The following ZNF385D variants were observed in gnomAD, a reference collection of about 807,000 sequenced individuals.
ZNF385D encodes zinc finger protein 659.
In ZNF385D, 15 loss-of-function variants were observed where a neutral mutation model predicts 35.8. The ratio of observed to expected loss-of-function variants is 0.42; its 90% CI spans 0.28 to 0.64. The LOEUF (loss-of-function observed/expected upper bound fraction) is 0.64, where lower values mean the gene tolerates loss of function less well. ZNF385D is among the 30% of genes least tolerant of loss of function. The pLI is 0.23. For missense variants in ZNF385D, 474 were observed against 494.6 expected (o/e 0.96, Z 0.39); for synonymous variants, 212 against 186.8 (o/e 1.13, Z -1.10).
intron 3 of ZNF385D, among the ~76,000 whole-genome samples, chr3:22,120,449 C>A (rs920503540): frequency 1.3e-5 from 2 of 152,046 alleles, no homozygotes; most frequent in African/African-American, 4.8e-5. Context: ...AGCTTAATTA[C>A]TTTTTTAAGA....
chr3:22,149,594 A>T (rs4858389), intron 3 of ZNF385D, among the ~76,000 whole-genome samples: 1 of 152,028 alleles, frequency 6.6e-6, no homozygotes, highest in East Asian at 1.9e-4. Flanking sequence ...AGCCACGACC[A>T]TAGAGGTATG....
chr3:21,655,615 T>C (rs1192483084), intron 2 of ZNF385D, among the ~76,000 whole-genome samples: 3 of 152,032 alleles, frequency 2.0e-5, no homozygotes, highest in Non-Finnish European at 4.4e-5. Flanking sequence ...AATATTTTGC[T>C]TTCTCAGTTA....
At chr3:21,564,784 A>G (rs754850261) in intron 2 of ZNF385D, 100 bp from the exon 3 acceptor site, 12 of 537,584 alleles carry the variant, frequency 2.2e-5, no homozygotes, top group East Asian at 2.2e-4. Context: ...TACAGCTTCA[A>G]TCTACTGCTC....
At chr3:21,578,047 T>G (rs1392318312) in intron 2 of ZNF385D, among the ~76,000 whole-genome samples, 3 of 152,052 alleles carry the variant, frequency 2.0e-5, no homozygotes, top group Non-Finnish European at 4.4e-5. Context: ...ACTCCTGGGC[T>G]CAAGTGATGC....
chr3:22,349,904 C>G (rs1035870806), intron 2 of ZNF385D, among the ~76,000 whole-genome samples: 4 of 152,040 alleles, frequency 2.6e-5, no homozygotes, highest in Non-Finnish European at 5.9e-5. Flanking sequence ...AAGATGTAAC[C>G]ACTCATGAAG....
At chr3:22,051,061 T>C (rs1242581232) in intron 3 of ZNF385D, among the ~76,000 whole-genome samples, 1 of 34,690 alleles carries the variant, frequency 2.9e-5, no homozygotes, top group Non-Finnish European at 5.5e-5. Context: ...CTTGTTGACT[T>C]TCTGTCTCGT....
At chr3:22,125,799 T>C (rs896102583) in intron 3 of ZNF385D, among the ~76,000 whole-genome samples, 4 of 152,080 alleles carry the variant, frequency 2.6e-5, no homozygotes, top group Non-Finnish European at 5.9e-5. Context: ...ATTTATCAAT[T>C]CTCATCATTT....
intron 2 of ZNF385D, among the ~76,000 whole-genome samples, chr3:22,312,384 C>G (rs1703609654): frequency 6.6e-6 from 1 of 152,138 alleles, no homozygotes; most frequent in African/African-American, 2.4e-5. Flanking sequence ...ACCCCATAGT[C>G]TCACTAAGAT....
intron 3 of ZNF385D, among the ~76,000 whole-genome samples, chr3:22,101,443 CAG>C: frequency 1.3e-5 from 2 of 152,182 alleles, no homozygotes; most frequent in South Asian, 4.1e-4. Flanking sequence ...TGGATGTTCT[CAG>C]AGAGATGAAA....
chr3:21,793,660 T>C (rs2072021862), intron 3 of ZNF385D, among the ~76,000 whole-genome samples: 1 of 152,218 alleles, frequency 6.6e-6, no homozygotes. Flanking sequence ...CAAGTCAAGT[T>C]GTAAAGCGAT....
chr3:22,342,064 A>G (rs1575157099), intron 2 of ZNF385D, among the ~76,000 whole-genome samples: 2 of 152,034 alleles, frequency 1.3e-5, no homozygotes, highest in African/African-American at 2.4e-5. Context: ...TCACGAGGTC[A>G]GGAAATCGAG....
At chr3:21,778,450 C>G (rs1343259103) in intron 3 of ZNF385D, among the ~76,000 whole-genome samples, 2 of 151,902 alleles carry the variant, frequency 1.3e-5, no homozygotes, top group Non-Finnish European at 2.9e-5. Flanking sequence ...ATTTCCTATT[C>G]ATCTCACAGG....
chr3:22,322,078 C>A (rs1182158798), intron 2 of ZNF385D, among the ~76,000 whole-genome samples: 1 of 152,150 alleles, frequency 6.6e-6, no homozygotes, highest in Non-Finnish European at 1.5e-5. Flanking sequence ...TCTCAGCTGT[C>A]ACCAAACTCT....
At chr3:21,728,915 G>A (rs2125478056) in intron 1 of ZNF385D, among the ~76,000 whole-genome samples, 1 of 152,250 alleles carries the variant, frequency 6.6e-6, no homozygotes, top group East Asian at 1.9e-4. Flanking sequence ...AATTATTTGA[G>A]CACAGCTATC....
intron 3 of ZNF385D, among the ~76,000 whole-genome samples, chr3:22,095,862 A>G (rs1701594820): frequency 6.6e-6 from 1 of 151,768 alleles, no homozygotes; most frequent in African/African-American, 2.4e-5. Context: ...CAACATATAT[A>G]TATATACTAT....
intron 3 of ZNF385D, among the ~76,000 whole-genome samples, chr3:21,890,704 T>C (rs1228038972): frequency 6.6e-6 from 1 of 152,142 alleles, no homozygotes; most frequent in African/African-American, 2.4e-5. Flanking sequence ...GATGCTATTT[T>C]CTTAAGGAAG....
At chr3:22,321,164 G>GTTTTTTTTTTTTTTTTT in intron 2 of ZNF385D, among the ~76,000 whole-genome samples, 1 of 76,164 alleles carries the variant, frequency 1.3e-5, no homozygotes. Flanking sequence ...TTATGACCTT[G>GTTTTTTTTTTTTTTTTT]TTTTTTTTTT....
At chr3:21,732,998 T>A (rs1216500170) in intron 1 of ZNF385D, among the ~76,000 whole-genome samples, 1 of 152,184 alleles carries the variant, frequency 6.6e-6, no homozygotes, top group African/African-American at 2.4e-5. Context: ...TTCTATGTTA[T>A]TTTCCAGGAG....
intron 3 of ZNF385D, among the ~76,000 whole-genome samples, chr3:21,856,019 C>A (rs1465511110): frequency 2.0e-5 from 3 of 151,888 alleles, no homozygotes; most frequent in African/African-American, 7.2e-5. Context: ...ATATAGTATT[C>A]ATGTGTGTGT....
Sources: allele counts gnomAD v4.1 joint callset (sites outside exome capture counted in the v4.1 genomes callset), GRCh38; gene constraint gnomAD v4.1.1; transcripts MANE v1.5; gene names NCBI Gene and HGNC (gene_info 2026-07-23, HGNC 2026-07-21).